F2: variants seen among roughly 807,000 people sequenced by gnomAD.
The protein encoded by F2 is coagulation factor II, thrombin, also known as prothrombin.
F2 carries 34 observed loss-of-function variants against 81.9 expected under a neutral mutation model. That is an observed-to-expected ratio of 0.42 (90% CI 0.32 to 0.55). The LOEUF (loss-of-function observed/expected upper bound fraction) is 0.55, where lower values mean the gene tolerates loss of function less well. Among genes scored for constraint, F2 ranks in the 20% least tolerant of loss-of-function variants. F2 has a pLI of 0.18. For missense variants in F2, 630 were observed against 833.4 expected (o/e 0.76, Z 3.00); for synonymous variants, 296 against 326.4 (o/e 0.91, Z 1.01).
At position 46,726,346 on chromosome 11, in the gene F2, C is replaced by T. The variant is rs2064872931; in HGVS notation, c.875-152C>T. The T allele has an allele frequency of 1.1e-5, 16 of 1,455,632 alleles. No individual in the cohort carries two copies. The highest frequency in any genetic ancestry group is 1.4e-5 in the Non-Finnish European group (15 of 1,068,604). The allele number at this position is 1,455,632 out of a possible 1,614,324, so 90.2% of individuals were successfully genotyped here. A position where few individuals can be genotyped will look rare whatever the true frequency, so the allele number is the denominator to read the frequency against. ...ATTTCACAGATAAGTACACTGAGGC[C>T]CCAGGAGGTTATTGCCTAGTAGCCC... On this transcript the variant is annotated intron_variant, in intron 7 of 13. Transcript: ENST00000311907. The surrounding 1 kb of genome is among the most constrained non-coding windows in gnomAD (Gnocchi z 5.9).
chr11:46,721,381 G>A (rs1459637917), intron 4 of F2, among the ~76,000 whole-genome samples: 1 of 152,062 alleles, frequency 6.6e-6, no homozygotes, highest in Non-Finnish European at 1.5e-5. Context: ...TGCCTGACCC[G>A]AGTCTCTGCC....
At chr11:46,734,808 C>T (rs1412140635) in intron 12 of F2, among the ~76,000 whole-genome samples, 1 of 152,090 alleles carries the variant, frequency 6.6e-6, no homozygotes, top group Admixed American at 6.6e-5. Context: ...AAGACTCTGT[C>T]TCAAAAACAA....
chr11:46,729,288 C>T lies in F2; in HGVS notation c.1473-92C>T, dbSNP rs1039584870. The T allele has an allele frequency of 5.0e-6, 7 of 1,394,804 alleles. No homozygotes were observed. In the Admixed American group the frequency reaches 5.5e-5, roughly 11 times the overall value. The allele number at this position is 1,394,804 out of a possible 1,614,324, so 86.4% of individuals were successfully genotyped here. On this transcript the variant is annotated intron_variant, in intron 11 of 13. Coordinates refer to ENST00000311907, the MANE Select transcript of F2 (RefSeq NM_000506.5). Reference sequence around the variant, plus strand: ...AACGTCTGTGCCCAGCCAGCTCTGGCGTTTTAGATTCTGGTCTCTAAGAAA... The same window carrying T: ...AACGTCTGTGCCCAGCCAGCTCTGGTGTTTTAGATTCTGGTCTCTAAGAAA...
chr11:46,719,402 G>C lies in F2; in HGVS notation c.79+88G>C, dbSNP rs753503722. The C allele has an allele frequency of 7.5e-6, 11 of 1,461,666 alleles. 1 individual carries two copies. Among genetic ancestry groups the C allele is most frequent in the Middle Eastern group, 2.1e-4 (1 of 4,806 alleles). The allele number at this position is 1,461,666 out of a possible 1,614,324, so 90.5% of individuals were successfully genotyped here. A position where few individuals can be genotyped will look rare whatever the true frequency, so the allele number is the denominator to read the frequency against. On this transcript the variant is annotated intron_variant, in intron 1 of 13. Transcript: ENST00000311907. The surrounding 1 kb of genome is among the most constrained non-coding windows in gnomAD (Gnocchi z 4.7). ...GTCTCCTGGCTGGACAGAGCACACA[G>C]AGCTGGCCCCTAAGTAGGTCTCAGC...
In F2 at chr11:46,723,375, G is replaced by C. The variant is rs2070852; in HGVS notation, c.423-7G>C. On this transcript the variant is annotated splice_region_variant and splice_polypyrimidine_tract_variant and intron_variant, in intron 5 of 13. Coordinates refer to ENST00000311907, the MANE Select transcript of F2 (RefSeq NM_000506.5). This position sits in a 1 kb window ranked among gnomAD's most constrained non-coding sequence, Gnocchi z 5.6. ...ACAGCCTCCTGTTGGGCAATTTCCTGTTCCAGAATCAACTCCACTACCCAT... is the reference window on the plus strand; with the variant it reads ...ACAGCCTCCTGTTGGGCAATTTCCTCTTCCAGAATCAACTCCACTACCCAT... The C allele has an allele frequency of 0.65, 1,047,248 of 1,613,438 alleles. 352,437 individuals are homozygous for C. The highest frequency in any genetic ancestry group is 0.69 in the Non-Finnish European group (818,868 of 1,179,722).
chr11:46,733,166 C>T (rs2064924049), intron 12 of F2, among the ~76,000 whole-genome samples: 1 of 152,146 alleles, frequency 6.6e-6, no homozygotes, highest in Non-Finnish European at 1.5e-5. Flanking sequence ...AGTGAGAAAC[C>T]TGACCCTCAT....
chr11:46,723,008 C>A lies in F2; in HGVS notation c.317-172C>A. On this transcript the variant is annotated intron_variant, in intron 4 of 13. Transcript: ENST00000311907. This position sits in a 1 kb window ranked among gnomAD's most constrained non-coding sequence, Gnocchi z 5.6. ...TAGGCACTTAGCGAATATTTGGAGG[C>A]CACTGTTGAGTGAATGGGAGAACTG... is the stretch of plus-strand genomic sequence containing the variant. 1.4e-6 allele frequency: 1 copy of A among 733,952 alleles called. No homozygotes were observed. Among genetic ancestry groups the A allele is most frequent in the African/African-American group, 1.7e-5 (1 of 58,324 alleles). The allele number at this position is 733,952 out of a possible 1,614,324, so 45.5% of individuals were successfully genotyped here. A position where few individuals can be genotyped will look rare whatever the true frequency, so the allele number is the denominator to read the frequency against.
rs761982739 is a variant in F2, at chr11:46,723,324, C to T, written c.422+39C>T. ...CGGCCTTCCCACCATGGGCTGAGAA[C>T]AGGGAGCAAGCGTACCTCAAGCCCA... On this transcript the variant is annotated intron_variant, in intron 5 of 13. Transcript: ENST00000311907. This position sits in a 1 kb window ranked among gnomAD's most constrained non-coding sequence, Gnocchi z 5.6. 6.2e-7 allele frequency: 1 copy of T among 1,613,532 alleles called. No homozygotes were observed. The highest frequency in any genetic ancestry group is 8.5e-7 in the Non-Finnish European group (1 of 1,179,476).
chr11:46,738,190 A>G (rs942208490), intron 12 of F2, among the ~76,000 whole-genome samples: 6 of 152,036 alleles, frequency 3.9e-5, no homozygotes, highest in Non-Finnish European at 7.4e-5. Flanking sequence ...TAGTAGAGAC[A>G]GGGTTTCACC....
intron 6 of F2, 79 bp from the exon 7 acceptor site, chr11:46,725,780 C>G: frequency 1.3e-6 from 2 of 1,507,578 alleles, no homozygotes; most frequent in South Asian, 1.1e-5. Flanking sequence ...AGCAGCAAGA[C>G]CGGGGTTCAC....
chr11:46,724,824 G>T (rs1361803650), intron 6 of F2, among the ~76,000 whole-genome samples: 1 of 151,378 alleles, frequency 6.6e-6, no homozygotes, highest in African/African-American at 2.4e-5. Context: ...CTGTTGGAGT[G>T]CAGTGGCCCT....
rs541646553 is a variant in F2 at position 46,739,461 on chromosome 11, T to C, written c.*53T>C. 14 of 1,610,794 alleles carry C rather than the reference T, an allele frequency of 8.7e-6. No homozygotes were observed. Among genetic ancestry groups the C allele is most frequent in the East Asian group, 4.5e-5 (2 of 44,870 alleles). ...AACCAATCCCGTGAAAGAATTATTTTTGTGTTTCTAAAACTATGGTTCCCA... is the reference window on the plus strand; with the variant it reads ...AACCAATCCCGTGAAAGAATTATTTCTGTGTTTCTAAAACTATGGTTCCCA... On this transcript the variant is annotated 3_prime_UTR_variant, in exon 14 of 14. Coordinates refer to ENST00000311907, the MANE Select transcript of F2 (RefSeq NM_000506.5).
intron 12 of F2, 95 bp from the exon 13 acceptor site, chr11:46,738,953 A>AG (rs1326009043): frequency 8.2e-7 from 1 of 1,221,174 alleles, no homozygotes; most frequent in African/African-American, 1.5e-5. Context: ...GAATGACTGG[A>AG]GGGGTAAGTG....
Position 46,728,864 on chromosome 11 carries a change from AG to A in F2, c.1472+31del. 2 of 1,611,858 alleles carry A rather than the reference AG, an allele frequency of 1.2e-6. No homozygotes were observed. Among genetic ancestry groups the A allele is most frequent in the Non-Finnish European group, 1.7e-6 (2 of 1,179,442 alleles). Reference sequence around the variant, plus strand: ...TGGGCCACCAGATGCTTGTTAGCTGAGGGGCAGAAGCCAAGTTCTGGGCCTG... The same window carrying A: ...TGGGCCACCAGATGCTTGTTAGCTGAGGGCAGAAGCCAAGTTCTGGGCCTG... On this transcript the variant is annotated intron_variant, in intron 11 of 13. Coordinates refer to ENST00000311907, the MANE Select transcript of F2 (RefSeq NM_000506.5). The surrounding 1 kb of genome is among the most constrained non-coding windows in gnomAD (Gnocchi z 5.1).
intron 12 of F2, among the ~76,000 whole-genome samples, chr11:46,735,815 G>A (rs780638148): frequency 2.6e-5 from 4 of 151,450 alleles, no homozygotes; most frequent in Admixed American, 6.6e-5. Context: ...CCAGCTACTC[G>A]GGAGGCTGAG....
chr11:46,734,057 A>AT (rs1296757499), intron 12 of F2, among the ~76,000 whole-genome samples: 1 of 151,750 alleles, frequency 6.6e-6, no homozygotes, highest in Non-Finnish European at 1.5e-5. Flanking sequence ...AAGTGCTGAG[A>AT]TTACAGGCAT....
chr11:46,722,819 G>A (rs3136448), intron 4 of F2, among the ~76,000 whole-genome samples: 10,042 of 152,224 alleles, frequency 0.066, 385 homozygotes, highest in Non-Finnish European at 0.09. Context: ...ATGAGAAGCT[G>A]AGCTAGCAGG....
rs2064853535 is a variant in F2 at position 46,723,641 on chromosome 11, A to G, written c.559+123A>G. 2 of 1,303,796 alleles carry G rather than the reference A, an allele frequency of 1.5e-6. No homozygotes were observed. Among genetic ancestry groups the G allele is most frequent in the Middle Eastern group, 2.4e-4 (1 of 4,166 alleles). The allele number at this position is 1,303,796 out of a possible 1,614,324, so 80.8% of individuals were successfully genotyped here. On this transcript the variant is annotated intron_variant, in intron 6 of 13. Transcript: ENST00000311907. This position sits in a 1 kb window ranked among gnomAD's most constrained non-coding sequence, Gnocchi z 5.6. ...CACAGTGGCTCATGCCCGTAATCCCAGCACTTTGGGAGGCTGAGGCAGGCA... is the reference window on the plus strand; with the variant it reads ...CACAGTGGCTCATGCCCGTAATCCCGGCACTTTGGGAGGCTGAGGCAGGCA...
chr11:46,728,796 C>T lies in F2; in HGVS notation c.1431C>T (p.Tyr477=). The T allele has an allele frequency of 1.2e-6, 2 of 1,614,214 alleles. No homozygotes were observed. Among genetic ancestry groups the T allele is most frequent in the Admixed American group, 1.7e-5 (1 of 60,028 alleles). ...AGAAGCCTGTTGCCTTCAGTGACTACATTCACCCTGTGTGTCTGCCCGACA... is the reference window on the plus strand; with the variant it reads ...AGAAGCCTGTTGCCTTCAGTGACTATATTCACCCTGTGTGTCTGCCCGACA... The part of the protein sequence containing the change: ...KLKKPVAFSD[Y]IHPVCLPDRE... The change falls in exon 11 of 14, where the codon TAC becomes TAT. Residue 477 remains tyrosine (Y), a synonymous_variant. Coordinates refer to ENST00000311907, the MANE Select transcript of F2 (RefSeq NM_000506.5). This position sits in a 1 kb window ranked among gnomAD's most constrained non-coding sequence, Gnocchi z 5.1.
Sources: gnomAD v4.1 joint callset for allele counts (sites outside exome capture counted in the v4.1 genomes callset) on GRCh38, gnomAD v4.1.1 for gene constraint, Gnocchi (gnomAD v3.1) non-coding constraint, MANE v1.5 for transcripts, NCBI Gene and HGNC (gene_info 2026-07-23, HGNC 2026-07-21) for gene names.